SLC24A2: variants seen among roughly 807,000 people sequenced by gnomAD.
The protein encoded by SLC24A2 is solute carrier family 24 member 2, also known as sodium/potassium/calcium exchanger 2.
In SLC24A2, 36 loss-of-function variants were observed where a neutral mutation model predicts 62.0. The ratio of observed to expected loss-of-function variants is 0.58; its 90% CI spans 0.44 to 0.77. SLC24A2 has a LOEUF of 0.77. Ranked by LOEUF, SLC24A2 falls within the 30% of genes least tolerant of loss-of-function variation. The pLI, the probability that SLC24A2 is intolerant of heterozygous loss-of-function variation, is 0.00. For synonymous variants in SLC24A2, 358 were observed against 294.0 expected, an observed-to-expected ratio of 1.22 and a Z score of -2.23; for missense variants, 846 against 817.9, an observed-to-expected ratio of 1.03 and a Z score of -0.42.
At chr9:20,144,727 C>A in the SLC24A2 span, among the ~76,000 whole-genome samples, 1 of 152,022 alleles carries the variant, frequency 6.6e-6, no homozygotes, top group African/African-American at 2.4e-5. Flanking sequence ...TTCAATCTTG[C>A]ATGCTTGGAT....
the SLC24A2 span, among the ~76,000 whole-genome samples, chr9:20,121,972 A>G: frequency 3.9e-5 from 6 of 152,146 alleles, no homozygotes; most frequent in African/African-American, 1.4e-4. Flanking sequence ...TAACAAAAAC[A>G]AAAGGAAAAG....
At chr9:19,679,802 A>G (rs1025631500) in intron 2 of SLC24A2, among the ~76,000 whole-genome samples, 5 of 151,646 alleles carry the variant, frequency 3.3e-5, no homozygotes, top group African/African-American at 4.8e-5. Flanking sequence ...CCACAATCAC[A>G]ATAGCTAATT....
At chr9:20,097,902 C>T in the SLC24A2 span, among the ~76,000 whole-genome samples, 3 of 151,492 alleles carry the variant, frequency 2.0e-5, no homozygotes, top group Admixed American at 6.6e-5. Flanking sequence ...GACACCACGC[C>T]GGGCTAATTT....
chr9:20,044,461 T>C, the SLC24A2 span, among the ~76,000 whole-genome samples: 5 of 152,072 alleles, frequency 3.3e-5, no homozygotes, highest in Admixed American at 3.3e-4. Context: ...GGATGTTTAG[T>C]TTCACTTAAC....
At chr9:19,787,126 G>T in intron 1 of SLC24A2, 107 bp from the exon 2 acceptor site, 1 of 548,298 alleles carries the variant, frequency 1.8e-6, no homozygotes, top group Non-Finnish European at 2.3e-6. Context: ...TGCGATCTTG[G>T]GTAAGTTACT....
chr9:20,081,417 G>A, the SLC24A2 span, among the ~76,000 whole-genome samples: 1 of 137,982 alleles, frequency 7.2e-6, no homozygotes. Flanking sequence ...TCATAGGTGG[G>A]AATTGAACAA....
chr9:19,718,016 G>C (rs552832001), intron 2 of SLC24A2, among the ~76,000 whole-genome samples: 1 of 139,148 alleles, frequency 7.2e-6, no homozygotes, highest in Non-Finnish European at 1.5e-5. Context: ...TCGCTCTGTC[G>C]CCCAGGCTGG....
At chr9:19,736,428 A>T (rs532609637) in intron 2 of SLC24A2, among the ~76,000 whole-genome samples, 1 of 152,318 alleles carries the variant, frequency 6.6e-6, no homozygotes, top group Non-Finnish European at 1.5e-5. Flanking sequence ...TTTTGAATAT[A>T]AGAGCTTGAA....
intron 6 of SLC24A2, among the ~76,000 whole-genome samples, chr9:19,574,066 A>T (rs1390178235): frequency 6.6e-6 from 1 of 152,150 alleles, no homozygotes; most frequent in African/African-American, 2.4e-5. Context: ...GGGACTTGGG[A>T]ATCTTATCTG....
At chr9:20,143,144 T>TAGTG in the SLC24A2 span, among the ~76,000 whole-genome samples, 2 of 152,056 alleles carry the variant, frequency 1.3e-5, no homozygotes, top group Non-Finnish European at 2.9e-5. Flanking sequence ...CCTTTACCAA[T>TAGTG]AGTGAGGTGA....
the SLC24A2 span, among the ~76,000 whole-genome samples, chr9:20,260,693 G>A: frequency 6.6e-6 from 1 of 151,908 alleles, no homozygotes; most frequent in East Asian, 1.9e-4. Context: ...AACAGGTGGT[G>A]TTTGGCTACA....
chr9:20,231,594 G>T, the SLC24A2 span, among the ~76,000 whole-genome samples: 2 of 152,182 alleles, frequency 1.3e-5, no homozygotes. Context: ...TGTATCCTGA[G>T]ACTTTGCTGA....
the SLC24A2 span, among the ~76,000 whole-genome samples, chr9:20,055,685 CA>C: frequency 2.0e-5 from 3 of 152,078 alleles, no homozygotes; most frequent in African/African-American, 7.2e-5. Flanking sequence ...CTCAGGAGTT[CA>C]AGACCACCCT....
intron 2 of SLC24A2, among the ~76,000 whole-genome samples, chr9:19,627,335 A>T (rs1456435786): frequency 6.6e-6 from 1 of 152,166 alleles, no homozygotes; most frequent in Non-Finnish European, 1.5e-5. Context: ...TAGTAGAAAA[A>T]TTTTTTGAGA....
At chr9:19,730,146 T>C (rs1295950572) in intron 2 of SLC24A2, among the ~76,000 whole-genome samples, 1 of 152,162 alleles carries the variant, frequency 6.6e-6, no homozygotes, top group Non-Finnish European at 1.5e-5. Flanking sequence ...TCTGAACAAG[T>C]GTCACCAAAG....
chr9:20,068,554 G>C, the SLC24A2 span, among the ~76,000 whole-genome samples: 11 of 152,036 alleles, frequency 7.2e-5, no homozygotes, highest in African/African-American at 2.4e-4. Flanking sequence ...CTTGCCTCCT[G>C]AACAACTGGT....
intron 2 of SLC24A2, among the ~76,000 whole-genome samples, chr9:19,680,851 TTGTGTGTG>T (rs72142691): frequency 0.026 from 3,895 of 147,062 alleles, 74 homozygotes; most frequent in Middle Eastern, 0.072. Context: ...TATACCAGAG[TTGTGTGTG>T]TGTGTGTGTG....
the SLC24A2 span, among the ~76,000 whole-genome samples, chr9:20,027,513 C>T: frequency 3.8e-4 from 58 of 152,106 alleles, no homozygotes; most frequent in Non-Finnish European, 6.3e-4. Flanking sequence ...TATTGATGAA[C>T]GTAGAGGACA....
At chr9:20,077,281 T>C in the SLC24A2 span, among the ~76,000 whole-genome samples, 1 of 152,050 alleles carries the variant, frequency 6.6e-6, no homozygotes. Flanking sequence ...TTAAATAGAT[T>C]TCAGCTGCTC....
Sources: gnomAD v4.1 joint callset for allele counts (sites outside exome capture counted in the v4.1 genomes callset) on GRCh38, gnomAD v4.1.1 for gene constraint, MANE v1.5 for transcripts, NCBI Gene and HGNC (gene_info 2026-07-23, HGNC 2026-07-21) for gene names.